The following RBBP4 variants were observed in gnomAD, a reference collection of about 807,000 sequenced individuals.
RBBP4 encodes RB binding protein 4, chromatin remodeling factor, also known as histone-binding protein RBBP4.
In RBBP4, 3 loss-of-function variants were observed where a neutral mutation model predicts 57.2. The observed-to-expected ratio is 0.05, with a 90% CI of 0.02 to 0.14. The LOEUF (loss-of-function observed/expected upper bound fraction) is 0.14, where lower values mean the gene tolerates loss of function less well. Among genes scored for constraint, RBBP4 ranks in the 10% least tolerant of loss-of-function variants. The pLI, the probability that RBBP4 is intolerant of heterozygous loss-of-function variation, is 1.00. For synonymous variants in RBBP4, 151 were observed against 171.5 expected (o/e 0.88, Z 0.93); for missense variants, 107 against 520.6 (o/e 0.21, Z 7.73).
At chr1:32,658,969 G>C (rs544939671) in intron 3 of RBBP4, among the ~76,000 whole-genome samples, 10 of 147,324 alleles carry the variant, frequency 6.8e-5, no homozygotes, top group Admixed American at 6.2e-4. Context: ...GTATGTATAT[G>C]TAAAACTACA....
At chr1:32,652,911 T>C (rs1647943249) in intron 2 of RBBP4, among the ~76,000 whole-genome samples, 2 of 152,330 alleles carry the variant, frequency 1.3e-5, no homozygotes, top group Admixed American at 1.3e-4. Context: ...GCACATTGTC[T>C]AGTTGAAGTG....
chr1:32,672,390 A>T, intron 8 of RBBP4, 60 bp from the exon 9 acceptor site: 1 of 1,343,436 alleles, frequency 7.4e-7, no homozygotes, highest in Non-Finnish European at 1.0e-6. Context: ...ATATTTTGTG[A>T]ATTTTTTCCC....
At chr1:32,667,577 T>G (rs1050770280) in intron 3 of RBBP4, among the ~76,000 whole-genome samples, 5 of 152,348 alleles carry the variant, frequency 3.3e-5, no homozygotes, top group African/African-American at 1.2e-4. Flanking sequence ...TTTTGTCTTG[T>G]GTCTTTATTT....
In RBBP4 at chr1:32,684,171, T is replaced by G. The variant is rs551304558; in HGVS notation, c.*4466T>G. On this transcript the variant is annotated 3_prime_UTR_variant, in exon 12 of 12. Coordinates refer to ENST00000373493, the MANE Select transcript of RBBP4 (RefSeq NM_005610.3). Reference sequence around the variant, plus strand: ...CATTTCCCAAATCCTCTTTTTGTTTTTGATTCTAAGGTAAAATTTTCCCTA... The same window carrying G: ...CATTTCCCAAATCCTCTTTTTGTTTGTGATTCTAAGGTAAAATTTTCCCTA... 5 of 1,606,274 alleles carry G rather than the reference T, an allele frequency of 3.1e-6. No individual in the cohort carries two copies. In the South Asian group the frequency reaches 5.5e-5, roughly 18 times the overall value.
chr1:32,667,137 C>T (rs1648688742), intron 3 of RBBP4, among the ~76,000 whole-genome samples: 2 of 152,232 alleles, frequency 1.3e-5, no homozygotes, highest in Non-Finnish European at 2.9e-5. Context: ...TGGATATTAT[C>T]CAGGCCTGCC....
rs966761003 is a variant in RBBP4, at chr1:32,651,481, C to A, written c.16+159C>A. ...CTCCCCGCGGGGCGTGCTAACGGCT[C>A]GCCAGTTCCCTGGGACCGATTTCGG... is the stretch of plus-strand genomic sequence containing the variant. On this transcript the variant is annotated intron_variant, in intron 1 of 11. Coordinates refer to ENST00000373493, the MANE Select transcript of RBBP4 (RefSeq NM_005610.3). The A allele has an allele frequency of 5.9e-6, 8 of 1,364,616 alleles. No homozygotes were observed. In the African/African-American group the frequency reaches 1.1e-4, roughly 18 times the overall value. 84.5% of individuals were successfully genotyped at this position (1,364,616 alleles called of 1,614,324 possible). A position where few individuals can be genotyped will look rare whatever the true frequency, so the allele number is the denominator to read the frequency against.
chr1:32,656,102 C>T (rs1281618221), intron 2 of RBBP4, among the ~76,000 whole-genome samples: 4 of 152,180 alleles, frequency 2.6e-5, no homozygotes, highest in African/African-American at 9.7e-5. Context: ...TGTGCTTTCC[C>T]ATATCAGAAG....
rs1169270028 is a variant in RBBP4, at chr1:32,680,376, T to TA, written c.*673dup. The stretch of plus-strand genomic sequence containing the variant: ...TTGTTGGTTTTTTTTTTTTTTTTTT[T>TA]AACTTGGGACCACCAAGTTGTAAAG... On this transcript the variant is annotated 3_prime_UTR_variant, in exon 12 of 12. Coordinates refer to ENST00000373493, the MANE Select transcript of RBBP4 (RefSeq NM_005610.3). 3.5e-6 allele frequency: 4 copies of TA among 1,129,330 alleles called. No homozygotes were observed. Among genetic ancestry groups the TA allele is most frequent in the South Asian group, 4.1e-5 (1 of 24,556 alleles). The allele number at this position is 1,129,330 out of a possible 1,614,324, so 70.0% of individuals were successfully genotyped here.
intron 8 of RBBP4, among the ~76,000 whole-genome samples, chr1:32,670,941 C>A (rs1172424955): frequency 6.6e-6 from 1 of 152,004 alleles, no homozygotes; most frequent in African/African-American, 2.4e-5. Flanking sequence ...AACATTTTAT[C>A]CTTACCCTAT....
chr1:32,677,682 A>C (rs1649163293), intron 11 of RBBP4, among the ~76,000 whole-genome samples: 1 of 131,458 alleles, frequency 7.6e-6, no homozygotes, highest in Non-Finnish European at 1.6e-5. Context: ...CTCCAAAGCT[A>C]ACTTCAGATA....
At chr1:32,660,905 G>A (rs1290897481) in intron 3 of RBBP4, among the ~76,000 whole-genome samples, 1 of 152,136 alleles carries the variant, frequency 6.6e-6, no homozygotes, top group Non-Finnish European at 1.5e-5. Context: ...TGCCTCCTGG[G>A]CTCAAGCAGT....
intron 3 of RBBP4, among the ~76,000 whole-genome samples, chr1:32,666,797 A>G (rs1209144558): frequency 2.0e-5 from 3 of 152,260 alleles, no homozygotes; most frequent in Admixed American, 6.5e-5. Context: ...CAAAGTAGAT[A>G]TAGAGATGAT....
intron 3 of RBBP4, among the ~76,000 whole-genome samples, chr1:32,658,242 C>T (rs1332645949): frequency 6.6e-6 from 1 of 151,688 alleles, no homozygotes; most frequent in Non-Finnish European, 1.5e-5. Context: ...AATAATCTTA[C>T]TGGTTGATTG....
At chr1:32,678,683 A>G (rs1649235177) in intron 11 of RBBP4, among the ~76,000 whole-genome samples, 1 of 139,008 alleles carries the variant, frequency 7.2e-6, no homozygotes, top group Non-Finnish European at 1.5e-5. Context: ...ACCACCTCCC[A>G]GGTTCAATCA....
intron 3 of RBBP4, among the ~76,000 whole-genome samples, chr1:32,658,768 G>T (rs942950937): frequency 1.3e-5 from 2 of 151,562 alleles, no homozygotes; most frequent in Admixed American, 6.6e-5. Context: ...GGCTGGTCTC[G>T]AACTCCGGAC....
rs762871518 is a variant in RBBP4, at chr1:32,668,774, C to T, written c.520C>T (p.Arg174Cys). 6.2e-7 allele frequency: 1 copy of T among 1,613,490 alleles called. No individual in the cohort carries two copies. The highest frequency in any genetic ancestry group is 8.5e-7 in the Non-Finnish European group (1 of 1,180,016). The part of the protein sequence containing the change: ...SGECNPDLRL[R>C]GHQKEGYGLS... ...AGAGTGCAACCCAGACTTGCGTCTC[C>T]GTGGACATCAGAAGGAAGGCTATGG... is the stretch of plus-strand genomic sequence containing the variant. The change falls in exon 5 of 12, where the codon CGT becomes TGT. Residue 174 changes from arginine to cysteine, a missense_variant. Physicochemically the swap from Arg to Cys is radical, Grantham distance 180. Transcript: ENST00000373493.
chr1:32,663,323 T>C (rs1648504191), intron 3 of RBBP4, among the ~76,000 whole-genome samples: 1 of 152,240 alleles, frequency 6.6e-6, no homozygotes, highest in African/African-American at 2.4e-5. Flanking sequence ...AATATTTATA[T>C]GGAGAGAAGC....
At chr1:32,653,081 A>G (rs1647963289) in intron 2 of RBBP4, among the ~76,000 whole-genome samples, 2 of 152,170 alleles carry the variant, frequency 1.3e-5, no homozygotes, top group Admixed American at 1.3e-4. Context: ...ACGTGTAGGT[A>G]GCTTATCTCT....
At position 32,651,289 on chromosome 1, in the gene RBBP4, C is replaced by T. The variant is rs185030853; in HGVS notation, c.-18C>T. The T allele has an allele frequency of 2.7e-3, 3,968 of 1,484,914 alleles. 7 individuals carry two copies. Among genetic ancestry groups the T allele is most frequent in the Non-Finnish European group, 3.3e-3 (3,722 of 1,118,668 alleles). The allele number at this position is 1,484,914 out of a possible 1,614,324, so 92.0% of individuals were successfully genotyped here. On this transcript the variant is annotated 5_prime_UTR_variant, in exon 1 of 12. Transcript: ENST00000373493. Reference sequence around the variant, plus strand: ...CGCAACGCTCGACCCCAGGATTCCCCCGGCTCGCCTGCCCGCCATGGCCGA... The same window carrying T: ...CGCAACGCTCGACCCCAGGATTCCCTCGGCTCGCCTGCCCGCCATGGCCGA...
Sources: allele counts gnomAD v4.1 joint callset (sites outside exome capture counted in the v4.1 genomes callset), GRCh38; gene constraint gnomAD v4.1.1; transcripts MANE v1.5; gene names NCBI Gene and HGNC (gene_info 2026-07-23, HGNC 2026-07-21).